Variants in LARS2 observed in about 807,000 individuals in gnomAD.
LARS2 encodes leucyl-tRNA synthetase 2, mitochondrial.
LARS2 carries 81 observed loss-of-function variants against 116.6 expected under a neutral mutation model. The observed-to-expected ratio is 0.69, with a 90% CI of 0.58 to 0.84. LARS2 has a LOEUF of 0.84. Among genes scored for constraint, LARS2 ranks in the 40% least tolerant of loss-of-function variants. The pLI, the probability that LARS2 is intolerant of heterozygous loss-of-function variation, is 0.00. For synonymous variants in LARS2, 396 were observed against 407.2 expected, an observed-to-expected ratio of 0.97 and a Z score of 0.33; for missense variants, 968 against 1,114.5, an observed-to-expected ratio of 0.87 and a Z score of 1.87.
At chr3:45,416,865 G>A (rs954781891) in intron 4 of LARS2, among the ~76,000 whole-genome samples, 3 of 152,054 alleles carry the variant, frequency 2.0e-5, no homozygotes, top group South Asian at 4.2e-4. Context: ...ACGAGGTCAG[G>A]AGATCGAGAC....
At chr3:45,531,925 C>T (rs1339029289) in intron 20 of LARS2, among the ~76,000 whole-genome samples, 1 of 152,190 alleles carries the variant, frequency 6.6e-6, no homozygotes, top group East Asian at 1.9e-4. Context: ...ATCTCCAGAA[C>T]TTATTCCAAT....
intron 6 of LARS2, among the ~76,000 whole-genome samples, chr3:45,442,381 A>G (rs897740207): frequency 7.9e-5 from 12 of 152,168 alleles, no homozygotes; most frequent in African/African-American, 2.9e-4. Flanking sequence ...TAGTTGTTCA[A>G]CAACTATTTT....
At chr3:45,439,791 T>A (rs1248938966) in intron 6 of LARS2, among the ~76,000 whole-genome samples, 2 of 152,164 alleles carry the variant, frequency 1.3e-5, no homozygotes, top group African/African-American at 4.8e-5. Flanking sequence ...TATAGAAATT[T>A]CATGCGAACC....
chr3:45,519,134 A>G (rs1575309623), intron 18 of LARS2, among the ~76,000 whole-genome samples: 1 of 152,312 alleles, frequency 6.6e-6, no homozygotes, highest in Non-Finnish European at 1.5e-5. Flanking sequence ...CAAAATGGAA[A>G]AGCACAGAAA....
intron 10 of LARS2, among the ~76,000 whole-genome samples, chr3:45,482,209 C>T (rs1248229700): frequency 6.6e-6 from 1 of 152,156 alleles, no homozygotes; most frequent in Admixed American, 6.5e-5. Context: ...TTAATCCATA[C>T]ATAATGTCCT....
Position 45,547,450 on chromosome 3 carries a change from A to G in LARS2, c.2632A>G (p.Arg878Gly). 2.5e-6 allele frequency: 4 copies of G among 1,613,948 alleles called. No homozygotes were observed. The highest frequency in any genetic ancestry group is 3.4e-6 in the Non-Finnish European group (4 of 1,179,932). ...EFVLQSELGVRLLQGRSIKKS... is the reference protein window; with the variant it reads ...EFVLQSELGVGLLQGRSIKKS... ...TGTTCTTCAAAGCGAGCTGGGTGTC[A>G]GGCTTTTGCAAGGACGAAGCATCAA... is the stretch of plus-strand genomic sequence containing the variant. The change falls in exon 22 of 22, where the codon AGG (arginine) becomes GGG (glycine). Residue 878 changes from arginine (R) to glycine (G), a missense_variant. Arg to Gly is a moderately radical substitution (Grantham distance 125, BLOSUM62 -2). Transcript: ENST00000645846.
Position 45,507,203 on chromosome 3 carries a change from C to G in LARS2, c.1761-5932C>G, listed in dbSNP as rs1404512595. Among the ~76,000 whole-genome samples the G allele has an allele frequency of 5.3e-5, 8 of 151,836 alleles. No homozygotes were observed. The East Asian group carries it at 1.5e-3, about 29-fold the overall frequency. On this transcript the variant is annotated intron_variant, in intron 15 of 21. Coordinates refer to ENST00000645846, the MANE Select transcript of LARS2 (RefSeq NM_015340.4). ...TTTGAGTGCAGGGGTTCGAGACCAG[C>G]CTGGGCAACACAGCAAGACCCCATT...
intron 8 of LARS2, among the ~76,000 whole-genome samples, chr3:45,462,190 T>C (rs1174965386): frequency 6.6e-6 from 1 of 152,108 alleles, no homozygotes; most frequent in Non-Finnish European, 1.5e-5. Context: ...TGGGATAGGG[T>C]TCTGGGTTGT....
At chr3:45,528,059 G>A (rs1171778751) in intron 20 of LARS2, among the ~76,000 whole-genome samples, 2 of 152,208 alleles carry the variant, frequency 1.3e-5, no homozygotes, top group Non-Finnish European at 2.9e-5. Context: ...TATGGTGGCT[G>A]GGTGCAGTGG....
intron 4 of LARS2, among the ~76,000 whole-genome samples, chr3:45,416,256 GAA>G (rs1307255256): frequency 1.4e-5 from 2 of 141,078 alleles, no homozygotes; most frequent in Non-Finnish European, 1.5e-5. Context: ...CATTGTCTTG[GAA>G]AAAAAAAAAA....
chr3:45,504,877 C>T (rs1380154525), intron 15 of LARS2, among the ~76,000 whole-genome samples: 1 of 150,516 alleles, frequency 6.6e-6, no homozygotes, highest in African/African-American at 2.4e-5. Flanking sequence ...GTCAGGAGTT[C>T]GAGACCAGCC....
chr3:45,533,063 T>G (rs979694740), intron 20 of LARS2, among the ~76,000 whole-genome samples: 3 of 151,912 alleles, frequency 2.0e-5, no homozygotes, highest in Non-Finnish European at 4.4e-5. Context: ...CCATATTATA[T>G]TATATTTTGC....
At chr3:45,487,236 T>G (rs983528397) in intron 11 of LARS2, among the ~76,000 whole-genome samples, 23 of 152,362 alleles carry the variant, frequency 1.5e-4, no homozygotes, top group Middle Eastern at 6.8e-3. Flanking sequence ...ACTATTTTCC[T>G]TTCTTGACTA....
chr3:45,431,841 G>T (rs1347877692), intron 6 of LARS2, among the ~76,000 whole-genome samples: 8 of 152,040 alleles, frequency 5.3e-5, no homozygotes, highest in Non-Finnish European at 1.0e-4. Flanking sequence ...AAAATAAATG[G>T]CTCAAAATCT....
Position 45,523,351 on chromosome 3 carries a change from G to A in LARS2, c.2293-646G>A, listed in dbSNP as rs114138668. 6.8e-3 allele frequency among the ~76,000 whole-genome samples: 1,040 copies of A among 152,282 alleles called. 12 individuals are homozygous for A. The highest frequency in any genetic ancestry group is 0.016 in the African/African-American group (677 of 41,548). On this transcript the variant is annotated intron_variant, in intron 19 of 21. Transcript: ENST00000645846. ...CAGTGCATTTCTCTGTGGACCTGCA[G>A]CACAGAGGAAACCTAGCAGAGTGGG... is the stretch of plus-strand genomic sequence containing the variant.
At chr3:45,522,638 G>A (rs1011886125) in intron 19 of LARS2, among the ~76,000 whole-genome samples, 1 of 152,188 alleles carries the variant, frequency 6.6e-6, no homozygotes, top group African/African-American at 2.4e-5. Flanking sequence ...GCACTCAGGA[G>A]GCTGAGGCAG....
chr3:45,514,779 A>G (rs901195337), intron 16 of LARS2, among the ~76,000 whole-genome samples: 1 of 152,220 alleles, frequency 6.6e-6, no homozygotes, highest in Non-Finnish European at 1.5e-5. Context: ...TAATTTGCAT[A>G]ACAGTGTTTT....
intron 4 of LARS2, among the ~76,000 whole-genome samples, chr3:45,408,339 T>G (rs1022597629): frequency 1.3e-5 from 2 of 152,240 alleles, no homozygotes; most frequent in African/African-American, 4.8e-5. Context: ...ACCCCTGTGT[T>G]TTTGTCATCA....
intron 9 of LARS2, 82 bp from the exon 10 acceptor site, chr3:45,476,386 A>C: frequency 2.1e-6 from 3 of 1,396,256 alleles, no homozygotes; most frequent in Non-Finnish European, 3.0e-6. Context: ...TGAGGAGGGA[A>C]GGGGAAGGGG....
Sources: gnomAD v4.1 joint callset for allele counts (sites outside exome capture counted in the v4.1 genomes callset) on GRCh38, gnomAD v4.1.1 for gene constraint, MANE v1.5 for transcripts, NCBI Gene and HGNC (gene_info 2026-07-23, HGNC 2026-07-21) for gene names.